FHIT: variants seen among roughly 807,000 people sequenced by gnomAD.
FHIT encodes bis(5'-adenosyl)-triphosphatase.
In FHIT, 19 loss-of-function variants were observed where a neutral mutation model predicts 17.9. The observed-to-expected ratio is 1.06, with a 90% CI of 0.74 to 1.56. The LOEUF (loss-of-function observed/expected upper bound fraction) is 1.56. Ranked by LOEUF, FHIT falls within the 40% of genes most tolerant of loss-of-function variation. The pLI is 0.00. For synonymous variants in FHIT, 81 were observed against 69.7 expected, an observed-to-expected ratio of 1.16 and a Z score of -0.81; for missense variants, 248 against 189.2, an observed-to-expected ratio of 1.31 and a Z score of -1.82.
At chr3:60,074,258 C>T (rs144692197) in intron 5 of FHIT, among the ~76,000 whole-genome samples, 6 of 152,162 alleles carry the variant, frequency 3.9e-5, no homozygotes, top group African/African-American at 1.4e-4. Context: ...AAACAGTTAA[C>T]TGATGCACCC....
intron 4 of FHIT, among the ~76,000 whole-genome samples, chr3:60,658,344 A>G (rs1179134650): frequency 8.6e-5 from 13 of 151,900 alleles, no homozygotes; most frequent in Admixed American, 7.9e-4. Context: ...TACACACCTT[A>G]CAGTTTTTTT....
intron 5 of FHIT, among the ~76,000 whole-genome samples, chr3:60,019,182 A>G (rs9861525): frequency 0.25 from 37,261 of 152,016 alleles, 4,825 homozygotes; most frequent in East Asian, 0.48. Flanking sequence ...GAATCTCTGA[A>G]TTTGCTTAAG....
chr3:60,293,164 C>G (rs1452438532), intron 5 of FHIT, among the ~76,000 whole-genome samples: 1 of 151,872 alleles, frequency 6.6e-6, no homozygotes, highest in African/African-American at 2.4e-5. Context: ...ATTTCTTTCC[C>G]AAGATTACAT....
intron 4 of FHIT, among the ~76,000 whole-genome samples, chr3:60,679,749 T>C (rs1202140960): frequency 6.6e-6 from 1 of 152,048 alleles, no homozygotes; most frequent in Non-Finnish European, 1.5e-5. Context: ...ATTAAAAAAT[T>C]CTTTTTCTAG....
At chr3:60,025,156 A>T (rs541040902) in intron 5 of FHIT, among the ~76,000 whole-genome samples, 16 of 152,252 alleles carry the variant, frequency 1.1e-4, no homozygotes, top group Non-Finnish European at 2.1e-4. Flanking sequence ...CATGTAGCTC[A>T]CCATTTGGAG....
intron 5 of FHIT, among the ~76,000 whole-genome samples, chr3:60,055,035 A>G (rs973888116): frequency 1.6e-4 from 24 of 152,148 alleles, no homozygotes; most frequent in African/African-American, 4.1e-4. Context: ...AGGAAAAAAA[A>G]TACCCTGTCA....
chr3:60,915,882 T>A (rs1413695257), intron 3 of FHIT, among the ~76,000 whole-genome samples: 1 of 152,110 alleles, frequency 6.6e-6, no homozygotes, highest in South Asian at 2.1e-4. Flanking sequence ...ATAATATACA[T>A]ACAAAGTGAA....
intron 5 of FHIT, among the ~76,000 whole-genome samples, chr3:60,334,142 C>G (rs1710123138): frequency 6.6e-6 from 1 of 152,102 alleles, no homozygotes; most frequent in Non-Finnish European, 1.5e-5. Flanking sequence ...TAGACTGAAC[C>G]CCTGGTGTTT....
At chr3:60,941,929 C>A (rs1708425919) in intron 3 of FHIT, among the ~76,000 whole-genome samples, 1 of 152,154 alleles carries the variant, frequency 6.6e-6, no homozygotes, top group African/African-American at 2.4e-5. Flanking sequence ...AAATTAGGTT[C>A]CCTGTCAAAC....
intron 5 of FHIT, among the ~76,000 whole-genome samples, chr3:60,401,302 C>T (rs1187765432): frequency 2.0e-5 from 3 of 152,130 alleles, no homozygotes; most frequent in East Asian, 1.9e-4. Flanking sequence ...CTGGTTATTC[C>T]TCATTTTCCA....
intron 5 of FHIT, among the ~76,000 whole-genome samples, chr3:60,345,558 C>G (rs948393810): frequency 5.3e-5 from 8 of 152,254 alleles, no homozygotes; most frequent in Admixed American, 3.9e-4. Context: ...TAGACTAGAA[C>G]GAGAACCTAG....
intron 2 of FHIT, among the ~76,000 whole-genome samples, chr3:61,112,761 G>A (rs996968468): frequency 6.6e-6 from 1 of 152,132 alleles, no homozygotes; most frequent in Non-Finnish European, 1.5e-5. Flanking sequence ...GTCATCATTA[G>A]GACAATCCTA....
At chr3:61,041,495 T>C (rs1405675875) in intron 3 of FHIT, among the ~76,000 whole-genome samples, 1 of 152,102 alleles carries the variant, frequency 6.6e-6, no homozygotes, top group African/African-American at 2.4e-5. Flanking sequence ...TTAGCAACAC[T>C]ATTTGACCTT....
intron 8 of FHIT, among the ~76,000 whole-genome samples, chr3:59,839,052 C>T (rs1575572722): frequency 1.3e-5 from 2 of 152,120 alleles, no homozygotes; most frequent in Admixed American, 6.5e-5. Flanking sequence ...CGCGGTAGCT[C>T]ATGTCCCCAA....
intron 2 of FHIT, among the ~76,000 whole-genome samples, chr3:61,044,281 T>C (rs1191859397): frequency 6.6e-6 from 1 of 152,070 alleles, no homozygotes; most frequent in Non-Finnish European, 1.5e-5. Context: ...TGTAGAGAAG[T>C]CCTTAAATGA....
At chr3:60,211,454 T>G (rs185850235) in intron 5 of FHIT, among the ~76,000 whole-genome samples, 3 of 152,242 alleles carry the variant, frequency 2.0e-5, no homozygotes, top group Admixed American at 2.0e-4. Context: ...TACATAATTA[T>G]AATGCAAAAT....
intron 5 of FHIT, among the ~76,000 whole-genome samples, chr3:60,233,864 C>T (rs113436730): frequency 0.035 from 5,378 of 152,148 alleles, 99 homozygotes; most frequent in Middle Eastern, 0.11. Context: ...TCTTGCCTGC[C>T]GCCATGTAAG....
At chr3:60,644,011 A>G (rs2039791719) in intron 4 of FHIT, among the ~76,000 whole-genome samples, 1 of 152,188 alleles carries the variant, frequency 6.6e-6, no homozygotes, top group Admixed American at 6.5e-5. Flanking sequence ...TTTACAACAT[A>G]CACTAACAGA....
chr3:60,042,619 T>C (rs1420518176), intron 5 of FHIT, among the ~76,000 whole-genome samples: 2 of 152,110 alleles, frequency 1.3e-5, no homozygotes, highest in African/African-American at 4.8e-5. Context: ...ACAAGTCATA[T>C]TGCACTAGGG....
Sources: gnomAD v4.1 joint callset for allele counts (sites outside exome capture counted in the v4.1 genomes callset) on GRCh38, gnomAD v4.1.1 for gene constraint, MANE v1.5 for transcripts, NCBI Gene and HGNC (gene_info 2026-07-23, HGNC 2026-07-21) for gene names.